Variants in SIRPA observed in about 807,000 individuals in gnomAD.
SIRPA encodes signal regulatory protein alpha, also known as tyrosine-protein phosphatase non-receptor type substrate 1.
SIRPA carries 9 observed loss-of-function variants against 50.3 expected under a neutral mutation model. The observed-to-expected ratio is 0.18, with a 90% CI of 0.11 to 0.31. The LOEUF (loss-of-function observed/expected upper bound fraction) is 0.31, where lower values mean the gene tolerates loss of function less well. Ranked by LOEUF, SIRPA falls within the 10% of genes least tolerant of loss-of-function variation. The pLI, the probability that SIRPA is intolerant of heterozygous loss-of-function variation, is 1.00. For synonymous variants in SIRPA, 265 were observed against 284.1 expected (o/e 0.93, Z 0.68); for missense variants, 474 against 661.6 (o/e 0.72, Z 3.11).
rs1985660873 is a variant in SIRPA at position 1,921,617 on chromosome 20, A to G, written c.659A>G (p.Glu220Gly). Residue 220 changes from glutamate (E) to glycine (G), a missense_variant, in exon 3 of 8, where the codon GAG becomes GGG. Around this residue, in one of 4 missense-constraint regions of SIRPA, gnomAD observed 221 missense variants for 359.9 expected, o/e 0.61. Coordinates refer to ENST00000358771, the MANE Select transcript of SIRPA (RefSeq NM_001040023.2). ...ACAGCCAAGGTGGTGCTGACCCGCG[A>G]GGACGTTCACTCTCAAGTCATCTGC... Reference protein sequence around the residue: ...HSTAKVVLTREDVHSQVICEV... With the variant: ...HSTAKVVLTRGDVHSQVICEV... 3.1e-6 allele frequency: 5 copies of G among 1,614,218 alleles called. No individual in the cohort carries two copies. Among genetic ancestry groups the G allele is most frequent in the Non-Finnish European group, 2.5e-6 (3 of 1,180,044 alleles).
chr20:1,912,077 G>A (rs1031533413), intron 1 of SIRPA, among the ~76,000 whole-genome samples: 6 of 152,008 alleles, frequency 3.9e-5, no homozygotes, highest in South Asian at 2.1e-4. Flanking sequence ...TAATTAAGCC[G>A]CCTAAATCTG....
At chr20:1,919,162 A>G (rs1052548819) in intron 2 of SIRPA, among the ~76,000 whole-genome samples, 32 of 152,230 alleles carry the variant, frequency 2.1e-4, no homozygotes, top group African/African-American at 6.8e-4. Flanking sequence ...GGTCCTTAGG[A>G]TGTACTCAGG....
chr20:1,935,441 A>G (rs1390391201), intron 7 of SIRPA, among the ~76,000 whole-genome samples: 1 of 152,226 alleles, frequency 6.6e-6, no homozygotes, highest in Non-Finnish European at 1.5e-5. Flanking sequence ...TGACATTTCC[A>G]AGGCAGTTGT....
chr20:1,928,772 A>T lies in SIRPA; in HGVS notation c.1226+873A>T, dbSNP rs1221215396. Among the ~76,000 whole-genome samples the T allele has an allele frequency of 6.6e-6, 1 of 152,092 alleles. No individual in the cohort carries two copies. Among genetic ancestry groups the T allele is most frequent in the Non-Finnish European group, 1.5e-5 (1 of 68,026 alleles). Reference sequence around the variant, plus strand: ...CCTGTGTGCTGGGCCAGAGGGAAGGAGAGGAAGAAGATAAGGTCAGGAAGA... The same window carrying T: ...CCTGTGTGCTGGGCCAGAGGGAAGGTGAGGAAGAAGATAAGGTCAGGAAGA... On this transcript the variant is annotated intron_variant, in intron 6 of 7. Transcript: ENST00000358771. The surrounding 1 kb of genome is among the most constrained non-coding windows in gnomAD (Gnocchi z 4.9).
At chr20:1,918,324 T>C (rs902861056) in intron 2 of SIRPA, among the ~76,000 whole-genome samples, 1 of 150,936 alleles carries the variant, frequency 6.6e-6, no homozygotes, top group African/African-American at 2.4e-5. Flanking sequence ...ACCTCCCAAG[T>C]AGCTGGGATT....
intron 1 of SIRPA, among the ~76,000 whole-genome samples, chr20:1,912,437 T>C (rs1346330432): frequency 3.3e-5 from 5 of 152,244 alleles, no homozygotes; most frequent in Non-Finnish European, 7.3e-5. Flanking sequence ...CCCAGGGTCA[T>C]GGAGCCAACG....
At chr20:1,901,213 C>T (rs1376867290) in intron 1 of SIRPA, among the ~76,000 whole-genome samples, 2 of 137,136 alleles carry the variant, frequency 1.5e-5, no homozygotes, top group Non-Finnish European at 3.0e-5. Context: ...CTCTGTCGCC[C>T]AGGCTGGAGT....
rs563706838 is a variant in SIRPA, at chr20:1,930,214, C to T, written c.1226+2315C>T. Among the ~76,000 whole-genome samples, 5 of 152,206 alleles carry T rather than the reference C, an allele frequency of 3.3e-5. No individual in the cohort carries two copies. The South Asian group carries it at 8.3e-4, about 25-fold the overall frequency. On this transcript the variant is annotated intron_variant, in intron 6 of 7. Transcript: ENST00000358771. ...CTGCTTCTCCTGAGATCAGCAAGGGCACGACATCCTCCAGGGTCGGAGGGC... is the reference window on the plus strand; with the variant it reads ...CTGCTTCTCCTGAGATCAGCAAGGGTACGACATCCTCCAGGGTCGGAGGGC...
intron 1 of SIRPA, among the ~76,000 whole-genome samples, chr20:1,914,896 C>T (rs1310228032): frequency 6.6e-6 from 1 of 152,160 alleles, no homozygotes; most frequent in Non-Finnish European, 1.5e-5. Context: ...ATTTAGCTTT[C>T]TGTGCCTCAG....
intron 2 of SIRPA, among the ~76,000 whole-genome samples, chr20:1,917,106 C>T (rs2123114571): frequency 6.6e-6 from 1 of 152,342 alleles, no homozygotes; most frequent in East Asian, 1.9e-4. Flanking sequence ...CTTTGCCATG[C>T]TGTCAGCCTA....
At position 1,928,569 on chromosome 20, in the gene SIRPA, A is replaced by C. The variant is rs777621485; in HGVS notation, c.1226+670A>C. On this transcript the variant is annotated intron_variant, in intron 6 of 7. Coordinates refer to ENST00000358771, the MANE Select transcript of SIRPA (RefSeq NM_001040023.2). This position sits in a 1 kb window ranked among gnomAD's most constrained non-coding sequence, Gnocchi z 4.9. The stretch of plus-strand genomic sequence containing the variant: ...GAGAAACAGGCATAAACGCAGAAAT[A>C]AAGTGATTCATGGTGTCATATCAGG... 2.6e-5 allele frequency among the ~76,000 whole-genome samples: 4 copies of C among 152,198 alleles called. No individual in the cohort carries two copies. The highest frequency in any genetic ancestry group is 5.9e-5 in the Non-Finnish European group (4 of 68,044).
chr20:1,925,905 C>T (rs1162139298), intron 5 of SIRPA, among the ~76,000 whole-genome samples: 2 of 152,206 alleles, frequency 1.3e-5, no homozygotes, highest in Admixed American at 1.3e-4. Flanking sequence ...CTCAACCCAA[C>T]ACATACACAC....
At position 1,934,563 on chromosome 20, in the gene SIRPA, A is replaced by C; in HGVS notation, c.1227-152A>C. ...TAGTGAGATTGACCCCTTTGTCCAAACATTTGATATGCAGTTGTATTTCTG... is the reference window on the plus strand; with the variant it reads ...TAGTGAGATTGACCCCTTTGTCCAACCATTTGATATGCAGTTGTATTTCTG... On this transcript the variant is annotated intron_variant, in intron 6 of 7. Transcript: ENST00000358771. The surrounding 1 kb of genome is among the most constrained non-coding windows in gnomAD (Gnocchi z 4.6). 1.5e-6 allele frequency: 1 copy of C among 652,820 alleles called. No homozygotes were observed. Among genetic ancestry groups the C allele is most frequent in the Non-Finnish European group, 2.6e-6 (1 of 381,474 alleles). 40.4% of individuals were successfully genotyped at this position (652,820 alleles called of 1,614,324 possible). A position where few individuals can be genotyped will look rare whatever the true frequency, so the allele number is the denominator to read the frequency against.
At chr20:1,911,864 A>T (rs147632300) in intron 1 of SIRPA, among the ~76,000 whole-genome samples, 141 of 151,178 alleles carry the variant, frequency 9.3e-4, no homozygotes, top group Middle Eastern at 3.4e-3. Flanking sequence ...CCAGCAAGTG[A>T]CCCCAGACCC....
chr20:1,918,161 T>C (rs1459092894), intron 2 of SIRPA, among the ~76,000 whole-genome samples: 1 of 151,782 alleles, frequency 6.6e-6, no homozygotes, highest in African/African-American at 2.4e-5. Flanking sequence ...CAATGCAGAG[T>C]AGACACCCCC....
At chr20:1,929,608 A>G (rs1253350107) in intron 6 of SIRPA, among the ~76,000 whole-genome samples, 3 of 152,076 alleles carry the variant, frequency 2.0e-5, no homozygotes, top group Non-Finnish European at 4.4e-5. Flanking sequence ...TCTTGGGATA[A>G]AGCCTTGCTT....
chr20:1,909,873 G>GT, intron 1 of SIRPA, among the ~76,000 whole-genome samples: 1 of 152,246 alleles, frequency 6.6e-6, no homozygotes, highest in Non-Finnish European at 1.5e-5. Flanking sequence ...CATGAACATT[G>GT]TTTTTTAAGA....
chr20:1,922,289 A>C (rs1337929695), intron 3 of SIRPA, 24 bp from the exon 4 acceptor site: 1 of 1,612,992 alleles, frequency 6.2e-7, no homozygotes, highest in Non-Finnish European at 8.5e-7. Flanking sequence ...ACAAGGTCAG[A>C]GCTTCTGCCC....
intron 1 of SIRPA, among the ~76,000 whole-genome samples, chr20:1,902,749 C>T (rs955658157): frequency 2.0e-5 from 3 of 152,294 alleles, no homozygotes; most frequent in Admixed American, 6.5e-5. Context: ...CGGTGGCTCA[C>T]GCCTATAATC....
Sources: allele counts gnomAD v4.1 joint callset (sites outside exome capture counted in the v4.1 genomes callset), GRCh38; gene constraint gnomAD v4.1.1; regional missense constraint gnomAD v4.1.1; non-coding constraint Gnocchi (gnomAD v3.1); transcripts MANE v1.5; gene names NCBI Gene and HGNC (gene_info 2026-07-23, HGNC 2026-07-21).